The following ZRANB3 variants were observed in gnomAD, a reference collection of about 807,000 sequenced individuals.
The protein encoded by ZRANB3 is zinc finger RANBP2-type containing 3.
Under a neutral mutation model 133.8 loss-of-function variants are expected in ZRANB3, and 125 were observed. The ratio of observed to expected loss-of-function variants is 0.93; its 90% confidence interval spans 0.81 to 1.08. The LOEUF is 1.08. ZRANB3 is among the 50% of genes least tolerant of loss of function. The pLI, the probability that ZRANB3 is intolerant of heterozygous loss-of-function variation, is 0.00. For synonymous variants in ZRANB3, 387 were observed against 432.7 expected (o/e 0.89, Z 1.31); for missense variants, 1,229 against 1,275.5 (o/e 0.96, Z 0.56).
rs369496431 is a variant in ZRANB3 at position 135,484,443 on chromosome 2, T to C, written c.161+19886A>G. 3.9e-5 allele frequency among the ~76,000 whole-genome samples: 6 copies of C among 152,272 alleles called. No individual in the cohort carries two copies. The East Asian group carries it at 1.2e-3, about 29-fold the overall frequency. On this transcript the variant is annotated intron_variant, in intron 2 of 20. Transcript: ENST00000264159. Reference sequence around the variant, plus strand: ...ACTATAAATTTCATGTATTATTACATTGTCAATTATTTTTAACCATGTATA... The same window carrying C: ...ACTATAAATTTCATGTATTATTACACTGTCAATTATTTTTAACCATGTATA...
At chr2:135,340,841 G>T (rs1684618025) in intron 6 of ZRANB3, among the ~76,000 whole-genome samples, 1 of 140,808 alleles carries the variant, frequency 7.1e-6, no homozygotes, top group South Asian at 2.1e-4. Flanking sequence ...GGTCAACAGA[G>T]TGAGATTCCG....
chr2:135,269,184 C>A (rs1221265263), intron 10 of ZRANB3, 43 bp from the exon 11 acceptor site: 9 of 1,461,902 alleles, frequency 6.2e-6, no homozygotes, highest in South Asian at 4.3e-5. Context: ...TAACATACAG[C>A]CAATATATAA....
At chr2:135,401,407 G>A (rs1162639572) in intron 2 of ZRANB3, among the ~76,000 whole-genome samples, 1 of 152,000 alleles carries the variant, frequency 6.6e-6, no homozygotes, top group Non-Finnish European at 1.5e-5. Flanking sequence ...CGATAAAAAC[G>A]GCCTTAGAAG....
chr2:135,384,130 A>T (rs986526379), intron 3 of ZRANB3, among the ~76,000 whole-genome samples: 1 of 152,212 alleles, frequency 6.6e-6, no homozygotes, highest in African/African-American at 2.4e-5. Flanking sequence ...GAGAAGAATC[A>T]AATAGATGCA....
intron 1 of ZRANB3, among the ~76,000 whole-genome samples, chr2:135,523,916 A>G (rs1346109658): frequency 2.6e-5 from 4 of 152,240 alleles, no homozygotes; most frequent in Non-Finnish European, 1.5e-5. Flanking sequence ...TACTTGGAGA[A>G]GGCTGTGAAG....
intron 2 of ZRANB3, among the ~76,000 whole-genome samples, chr2:135,391,075 G>A (rs1207883900): frequency 6.6e-6 from 1 of 152,076 alleles, no homozygotes; most frequent in African/African-American, 2.4e-5. Flanking sequence ...TGCTTAGGAT[G>A]GTATCGATCT....
chr2:135,389,064 C>T (rs1414784684), intron 3 of ZRANB3, among the ~76,000 whole-genome samples: 3 of 152,184 alleles, frequency 2.0e-5, no homozygotes, highest in African/African-American at 4.8e-5. Context: ...GGCGACAGAG[C>T]GAGACTCCTT....
At chr2:135,386,962 C>G (rs1429953778) in intron 3 of ZRANB3, among the ~76,000 whole-genome samples, 1 of 148,958 alleles carries the variant, frequency 6.7e-6, no homozygotes, top group African/African-American at 2.5e-5. Flanking sequence ...GCACGTTTTG[C>G]GCAGGTACCC....
At chr2:135,280,786 A>C (rs2104781063) in intron 8 of ZRANB3, among the ~76,000 whole-genome samples, 1 of 152,322 alleles carries the variant, frequency 6.6e-6, no homozygotes, top group Non-Finnish European at 1.5e-5. Context: ...TTCAAACCTG[A>C]GCTATGACAA....
chr2:135,297,671 C>T (rs186425627), intron 8 of ZRANB3, among the ~76,000 whole-genome samples: 41 of 152,338 alleles, frequency 2.7e-4, no homozygotes, highest in Admixed American at 1.1e-3. Flanking sequence ...GCATCGCTCA[C>T]GCTGGGAGCT....
chr2:135,282,994 G>C (rs1044556875), intron 8 of ZRANB3, among the ~76,000 whole-genome samples: 1 of 152,172 alleles, frequency 6.6e-6, no homozygotes, highest in African/African-American at 2.4e-5. Flanking sequence ...GATCAAAACA[G>C]CTAATCTAGG....
At chr2:135,283,402 A>G (rs184602963) in intron 8 of ZRANB3, among the ~76,000 whole-genome samples, 1,693 of 152,226 alleles carry the variant, frequency 0.011, 30 homozygotes, top group African/African-American at 0.039. Flanking sequence ...CGAGGTCAGG[A>G]GATCGAGACC....
intron 2 of ZRANB3, among the ~76,000 whole-genome samples, chr2:135,393,961 G>A (rs1006864814): frequency 3.3e-5 from 5 of 152,026 alleles, no homozygotes; most frequent in South Asian, 2.1e-4. Flanking sequence ...AGGCTCAAGC[G>A]ATTCTCCTGC....
intron 2 of ZRANB3, among the ~76,000 whole-genome samples, chr2:135,404,114 C>T (rs1236216990): frequency 6.6e-6 from 1 of 152,086 alleles, no homozygotes; most frequent in Non-Finnish European, 1.5e-5. Flanking sequence ...ACGACTTTGA[C>T]GAGGTGAGAG....
chr2:135,218,646 G>T (rs1455756619), intron 16 of ZRANB3, among the ~76,000 whole-genome samples: 1 of 152,108 alleles, frequency 6.6e-6, no homozygotes, highest in Admixed American at 6.6e-5. Flanking sequence ...TCCCTGGCAG[G>T]AACTTGGCCT....
Position 135,448,120 on chromosome 2 carries a change from TC to T in ZRANB3, c.161+56208del, listed in dbSNP as rs541840784. Among the ~76,000 whole-genome samples, 452 of 152,288 alleles carry T rather than the reference TC, an allele frequency of 3.0e-3. 2 individuals carry two copies. The highest frequency in any genetic ancestry group is 0.01 in the African/African-American group (428 of 41,572). Reference sequence around the variant, plus strand: ...CCTTTAATATTTAGTATTTTAGAGTTCTTGTTTTTGGCCAAATCTCCAGGTC... The same window carrying T: ...CCTTTAATATTTAGTATTTTAGAGTTTTGTTTTTGGCCAAATCTCCAGGTC... On this transcript the variant is annotated intron_variant, in intron 2 of 20. Coordinates refer to ENST00000264159, the MANE Select transcript of ZRANB3 (RefSeq NM_032143.4).
chr2:135,470,011 T>TC (rs1290571082), intron 2 of ZRANB3, among the ~76,000 whole-genome samples: 2 of 97,270 alleles, frequency 2.1e-5, no homozygotes, highest in Non-Finnish European at 4.0e-5. Context: ...GACTCTTACC[T>TC]CAAAAAAAAA....
chr2:135,527,561 A>G (rs1034701167), intron 1 of ZRANB3, among the ~76,000 whole-genome samples: 6 of 120,672 alleles, frequency 5.0e-5, no homozygotes, highest in Admixed American at 1.0e-4. Flanking sequence ...ATAAAAAAAG[A>G]AAAAAAAAGA....
intron 3 of ZRANB3, among the ~76,000 whole-genome samples, chr2:135,378,474 A>G (rs1473173497): frequency 6.7e-6 from 1 of 150,124 alleles, no homozygotes; most frequent in Non-Finnish European, 1.5e-5. Flanking sequence ...CCTGGGTGAC[A>G]GAGTGAGACT....
Sources: allele counts gnomAD v4.1 joint callset (sites outside exome capture counted in the v4.1 genomes callset), GRCh38; gene constraint gnomAD v4.1.1; transcripts MANE v1.5; gene names NCBI Gene and HGNC (gene_info 2026-07-23, HGNC 2026-07-21).